GNG7: variants seen among roughly 807,000 people sequenced by gnomAD.
The protein encoded by GNG7 is guanine nucleotide-binding protein G(I)/G(S)/G(O) subunit gamma-7.
In GNG7, 1 loss-of-function variant was observed where a neutral mutation model predicts 4.0. That is an observed-to-expected ratio of 0.25 (90% confidence interval 0.09 to 1.18). The LOEUF (loss-of-function observed/expected upper bound fraction) is 1.18. Ranked by LOEUF, GNG7 falls within the 50% of genes most tolerant of loss-of-function variation. The pLI, the probability that GNG7 is intolerant of heterozygous loss-of-function variation, is 0.50. For synonymous variants in GNG7, 34 were observed against 36.9 expected, an observed-to-expected ratio of 0.92 and a Z score of 0.29; for missense variants, 86 against 91.9, an observed-to-expected ratio of 0.94 and a Z score of 0.26.
intron 1 of GNG7, among the ~76,000 whole-genome samples, chr19:2,672,301 G>A (rs1011950483): frequency 3.9e-5 from 6 of 152,118 alleles, no homozygotes; most frequent in Admixed American, 2.0e-4. Context: ...GATTGCAGGC[G>A]TGAGCCACTG....
chr19:2,605,068 C>G (rs1981336474), intron 2 of GNG7, among the ~76,000 whole-genome samples: 1 of 152,312 alleles, frequency 6.6e-6, no homozygotes, highest in East Asian at 1.9e-4. Flanking sequence ...CTGGAGGCTC[C>G]AGGGGAGGAT....
At chr19:2,573,112 G>A (rs369445397) in intron 2 of GNG7, among the ~76,000 whole-genome samples, 18 of 146,172 alleles carry the variant, frequency 1.2e-4, no homozygotes, top group Middle Eastern at 3.7e-3. Context: ...TGCAACCTCC[G>A]TCTCCCAGGT....
At chr19:2,520,197 C>G (rs767331960) in intron 4 of GNG7, among the ~76,000 whole-genome samples, 13 of 144,076 alleles carry the variant, frequency 9.0e-5, no homozygotes, top group Non-Finnish European at 1.7e-4. Flanking sequence ...ACAAAACAAA[C>G]AAATCCTTCA....
At chr19:2,644,686 C>T (rs757586701) in intron 2 of GNG7, among the ~76,000 whole-genome samples, 50 of 152,140 alleles carry the variant, frequency 3.3e-4, no homozygotes, top group East Asian at 7.7e-4. Context: ...TGGATCGGCC[C>T]GTCCTGAACC....
At chr19:2,620,594 T>A (rs2144831901) in intron 2 of GNG7, among the ~76,000 whole-genome samples, 1 of 152,292 alleles carries the variant, frequency 6.6e-6, no homozygotes, top group Non-Finnish European at 1.5e-5. Flanking sequence ...ACATCCCAGC[T>A]GGGGGTGAGC....
chr19:2,519,041 C>T (rs965804579), intron 4 of GNG7, among the ~76,000 whole-genome samples: 5 of 151,480 alleles, frequency 3.3e-5, no homozygotes, highest in Non-Finnish European at 5.9e-5. Context: ...TGTGATCCGC[C>T]CACCTCAGCC....
chr19:2,547,354 G>A (rs1416750966), intron 3 of GNG7, among the ~76,000 whole-genome samples: 1 of 152,062 alleles, frequency 6.6e-6, no homozygotes, highest in Non-Finnish European at 1.5e-5. Flanking sequence ...GGAGGCTCCA[G>A]GGGAGAATCT....
chr19:2,591,170 G>A (rs887892781), intron 2 of GNG7, among the ~76,000 whole-genome samples: 9 of 152,196 alleles, frequency 5.9e-5, no homozygotes, highest in African/African-American at 2.2e-4. Flanking sequence ...AACCTCTTGC[G>A]CGGTAGGTTT....
intron 1 of GNG7, among the ~76,000 whole-genome samples, chr19:2,680,859 C>T (rs571936713): frequency 3.0e-4 from 46 of 152,140 alleles, no homozygotes; most frequent in Non-Finnish European, 5.7e-4. Flanking sequence ...GGCTGGAGTG[C>T]GGTGGTGTGA....
At chr19:2,680,533 G>C (rs1983704682) in intron 1 of GNG7, among the ~76,000 whole-genome samples, 1 of 151,036 alleles carries the variant, frequency 6.6e-6, no homozygotes, top group Non-Finnish European at 1.5e-5. Flanking sequence ...GACTAACAGT[G>C]GGTTTTTTAG....
At chr19:2,515,878 G>A (rs1391977238) in intron 4 of GNG7, among the ~76,000 whole-genome samples, 1 of 151,954 alleles carries the variant, frequency 6.6e-6, no homozygotes. Flanking sequence ...GTGATTGGAT[G>A]CACAGCATTG....
At chr19:2,569,275 CTCTCTT>C (rs1020120906) in intron 2 of GNG7, among the ~76,000 whole-genome samples, 2 of 152,044 alleles carry the variant, frequency 1.3e-5, no homozygotes, top group African/African-American at 2.4e-5. Flanking sequence ...CTCTCTCTCT[CTCTCTT>C]TCTTTTTTTT....
In GNG7 at chr19:2,553,807, A is replaced by ATAT. The variant is rs1555693249; in HGVS notation, c.-38+1339_-38+1341dup. Among the ~76,000 whole-genome samples, 28 of 146,600 alleles carry ATAT rather than the reference A, an allele frequency of 1.9e-4. 1 individual carries two copies. The highest frequency in any genetic ancestry group is 1.3e-3 in the Admixed American group (19 of 14,398). On this transcript the variant is annotated intron_variant, in intron 3 of 4. Coordinates refer to ENST00000382159, the MANE Select transcript of GNG7 (RefSeq NM_052847.3). ...CACACACATGTACGTATCATGTGTA[A>ATAT]TATATCACATACATGTACATATTAT...
intron 4 of GNG7, among the ~76,000 whole-genome samples, chr19:2,516,051 C>CA (rs1200652032): frequency 6.6e-6 from 1 of 151,366 alleles, no homozygotes; most frequent in Non-Finnish European, 1.5e-5. Context: ...CCTATCTCTA[C>CA]AAAAAATACA....
At chr19:2,693,280 G>T (rs949101963) in intron 1 of GNG7, among the ~76,000 whole-genome samples, 2 of 151,658 alleles carry the variant, frequency 1.3e-5, no homozygotes, top group Admixed American at 6.6e-5. Context: ...GCTGGGCATA[G>T]TGATCTCTGC....
At chr19:2,518,143 G>T (rs1978292173) in intron 4 of GNG7, among the ~76,000 whole-genome samples, 1 of 152,208 alleles carries the variant, frequency 6.6e-6, no homozygotes, top group African/African-American at 2.4e-5. Context: ...TGAGCCCCAA[G>T]ATCGTCGCCG....
chr19:2,675,632 A>G (rs767463127), intron 1 of GNG7, among the ~76,000 whole-genome samples: 1 of 152,170 alleles, frequency 6.6e-6, no homozygotes, highest in Non-Finnish European at 1.5e-5. Flanking sequence ...AGGATCCTAT[A>G]AGATACAAAG....
At chr19:2,539,933 T>C (rs1158928732) in intron 3 of GNG7, among the ~76,000 whole-genome samples, 1 of 137,718 alleles carries the variant, frequency 7.3e-6, no homozygotes, top group Non-Finnish European at 1.6e-5. Flanking sequence ...TTCTTTCTTC[T>C]CTCTCCCTCT....
intron 3 of GNG7, among the ~76,000 whole-genome samples, chr19:2,543,403 C>A (rs1171001607): frequency 3.3e-5 from 5 of 151,844 alleles, no homozygotes; most frequent in African/African-American, 1.2e-4. Flanking sequence ...AATATTTTTT[C>A]TTTTAGAGCT....
Sources: gnomAD v4.1 joint callset for allele counts (sites outside exome capture counted in the v4.1 genomes callset) on GRCh38, gnomAD v4.1.1 for gene constraint, MANE v1.5 for transcripts, NCBI Gene and HGNC (gene_info 2026-07-23, HGNC 2026-07-21) for gene names.